The following PRKCQ variants were observed in gnomAD, a reference collection of about 807,000 sequenced individuals.
PRKCQ encodes protein kinase C theta type.
Under a neutral mutation model 91.2 loss-of-function variants are expected in PRKCQ, and 41 were observed. That is an observed-to-expected ratio of 0.45 (90% CI 0.35 to 0.58). The LOEUF is 0.58. Ranked by LOEUF, PRKCQ falls within the 20% of genes least tolerant of loss-of-function variation. PRKCQ has a pLI of 0.00. For missense variants in PRKCQ, 673 were observed against 896.5 expected, an observed-to-expected ratio of 0.75 and a Z score of 3.18; for synonymous variants, 307 against 316.9, an observed-to-expected ratio of 0.97 and a Z score of 0.33.
At chr10:6,470,478 A>C (rs1442918570) in intron 12 of PRKCQ, among the ~76,000 whole-genome samples, 1 of 152,218 alleles carries the variant, frequency 6.6e-6, no homozygotes, top group Admixed American at 6.5e-5. Context: ...TCTAATAAGG[A>C]AACTCCACTC....
At chr10:6,560,029 CT>C (rs1419456774) in intron 1 of PRKCQ, among the ~76,000 whole-genome samples, 2 of 152,180 alleles carry the variant, frequency 1.3e-5, no homozygotes, top group East Asian at 3.8e-4. Flanking sequence ...GGGTCAGTAC[CT>C]TTCTCCTTCT....
the PRKCQ span, among the ~76,000 whole-genome samples, chr10:6,418,934 T>C: frequency 3.9e-5 from 6 of 152,258 alleles, no homozygotes; most frequent in African/African-American, 1.4e-4. Flanking sequence ...ATTTATCTCA[T>C]CTCTATATCT....
rs892858043 is a variant in PRKCQ, at chr10:6,430,578, T to A, written c.1965+232A>T. On this transcript the variant is annotated intron_variant, in intron 17 of 17. Transcript: ENST00000263125. This position sits in a 1 kb window ranked among gnomAD's most constrained non-coding sequence, Gnocchi z 4.7. The stretch of plus-strand genomic sequence containing the variant: ...TGGACACACAGCAATCCATTCTTCA[T>A]GCAGGCGCATCTTGACGACAGAGAT... 1.3e-5 allele frequency among the ~76,000 whole-genome samples: 2 copies of A among 152,294 alleles called. No homozygotes were observed. Among genetic ancestry groups the A allele is most frequent in the East Asian group, 3.9e-4 (2 of 5,172 alleles).
chr10:6,440,309 C>T (rs1166658362), intron 16 of PRKCQ, among the ~76,000 whole-genome samples: 1 of 152,176 alleles, frequency 6.6e-6, no homozygotes, highest in Non-Finnish European at 1.5e-5. Context: ...GAGAGTCTTG[C>T]AGAATCAGCG....
In PRKCQ at chr10:6,456,713, C is replaced by T. The variant is rs751782966; in HGVS notation, c.1608G>A (p.Thr536=). 1.1e-5 allele frequency: 18 copies of T among 1,614,136 alleles called. No individual in the cohort carries two copies. Among genetic ancestry groups the T allele is most frequent in the Non-Finnish European group, 1.4e-5 (17 of 1,180,018 alleles). ...AGTCAGGTGTCCCACAGAAGGTATT[C>T]GTCTTGGCATCTCCTAACATGTTCT... is the stretch of plus-strand genomic sequence containing the variant. ...CKENMLGDAK[T]NTFCGTPDYI... The change falls in exon 15 of 18, where the codon ACG becomes ACA. Residue 536 remains threonine, a synonymous_variant. Transcript: ENST00000263125.
At chr10:6,519,019 ATGTG>A (rs1417284036) in intron 1 of PRKCQ, among the ~76,000 whole-genome samples, 2 of 152,232 alleles carry the variant, frequency 1.3e-5, no homozygotes, top group African/African-American at 2.4e-5. Flanking sequence ...GTAAGTATAT[ATGTG>A]TGTGTTTATG....
At chr10:6,541,874 T>C (rs1302654981) in intron 1 of PRKCQ, among the ~76,000 whole-genome samples, 1 of 152,216 alleles carries the variant, frequency 6.6e-6, no homozygotes, top group African/African-American at 2.4e-5. Flanking sequence ...CTTTACTCTT[T>C]CTCTAATAAA....
rs1048450323 is a variant in PRKCQ, at chr10:6,497,875, C to T, written c.542+521G>A. ...CCTTAATAGGCTAGGATGCTGAGAGCCAGAAACAGGAGTTATTTCAAGTCT... is the reference window on the plus strand; with the variant it reads ...CCTTAATAGGCTAGGATGCTGAGAGTCAGAAACAGGAGTTATTTCAAGTCT... On this transcript the variant is annotated intron_variant, in intron 5 of 17. Coordinates refer to ENST00000263125, the MANE Select transcript of PRKCQ (RefSeq NM_006257.5). This position sits in a 1 kb window ranked among gnomAD's most constrained non-coding sequence, Gnocchi z 4.5. 4.6e-5 allele frequency among the ~76,000 whole-genome samples: 7 copies of T among 152,152 alleles called. No homozygotes were observed. The highest frequency in any genetic ancestry group is 1.7e-4 in the African/African-American group (7 of 41,430).
chr10:6,520,276 C>G (rs980801510), intron 1 of PRKCQ, among the ~76,000 whole-genome samples: 2 of 152,184 alleles, frequency 1.3e-5, no homozygotes, highest in African/African-American at 4.8e-5. Context: ...TGCCGCGACG[C>G]CCGGCCCTCA....
At chr10:6,523,426 G>A (rs1020785709) in intron 1 of PRKCQ, among the ~76,000 whole-genome samples, 1 of 152,072 alleles carries the variant, frequency 6.6e-6, no homozygotes, top group Non-Finnish European at 1.5e-5. Flanking sequence ...ACTCCAGCCT[G>A]GGCGACAAAG....
intron 4 of PRKCQ, among the ~76,000 whole-genome samples, chr10:6,505,403 C>CCTTT (rs34955806): frequency 6.1e-5 from 9 of 147,276 alleles, no homozygotes; most frequent in African/African-American, 2.1e-4. Context: ...CACTTTTTCT[C>CCTTT]CTTTCTTTCT....
intron 8 of PRKCQ, among the ~76,000 whole-genome samples, chr10:6,488,719 T>C (rs1301619149): frequency 6.6e-6 from 1 of 152,186 alleles, no homozygotes; most frequent in South Asian, 2.1e-4. Flanking sequence ...TATATAGGCA[T>C]AGATATAGCC....
intron 1 of PRKCQ, among the ~76,000 whole-genome samples, chr10:6,565,251 GGTCTA>G (rs1172222010): frequency 5.3e-5 from 8 of 152,154 alleles, no homozygotes; most frequent in African/African-American, 1.9e-4. Context: ...TAGACCCATA[GGTCTA>G]GTCTATTTTT....
chr10:6,509,439 A>C (rs910118576), intron 3 of PRKCQ, among the ~76,000 whole-genome samples: 1 of 152,332 alleles, frequency 6.6e-6, no homozygotes, highest in Middle Eastern at 3.4e-3. Context: ...GGTCTTCCTC[A>C]GTTTCTCCCA....
At chr10:6,504,929 T>A (rs1307448032) in intron 4 of PRKCQ, among the ~76,000 whole-genome samples, 1 of 151,500 alleles carries the variant, frequency 6.6e-6, no homozygotes, top group Non-Finnish European at 1.5e-5. Context: ...TGTCTCACTC[T>A]GTCTCCCAGG....
At chr10:6,429,708 T>G (rs1464275379) in intron 17 of PRKCQ, among the ~76,000 whole-genome samples, 1 of 152,208 alleles carries the variant, frequency 6.6e-6, no homozygotes, top group African/African-American at 2.4e-5. Context: ...AAAATTTACT[T>G]TCTTAATGAC....
intron 1 of PRKCQ, among the ~76,000 whole-genome samples, chr10:6,519,638 A>C (rs1838916852): frequency 6.6e-6 from 1 of 152,188 alleles, no homozygotes; most frequent in Non-Finnish European, 1.5e-5. Flanking sequence ...CAGTTTCAGC[A>C]GCTTACAGGT....
chr10:6,423,021 C>T (rs145432464), downstream of PRKCQ, among the ~76,000 whole-genome samples: 1 of 152,252 alleles, frequency 6.6e-6, no homozygotes, highest in East Asian at 1.9e-4. Flanking sequence ...GGGAGTTTGG[C>T]CCAGCTCTTC....
intron 1 of PRKCQ, among the ~76,000 whole-genome samples, chr10:6,522,655 T>G (rs1839057674): frequency 6.6e-6 from 1 of 152,278 alleles, no homozygotes; most frequent in Non-Finnish European, 1.5e-5. Context: ...ACTTCTTCAT[T>G]TAATAAAATG....
Sources: allele counts gnomAD v4.1 joint callset (sites outside exome capture counted in the v4.1 genomes callset), GRCh38; gene constraint gnomAD v4.1.1; non-coding constraint Gnocchi (gnomAD v3.1); transcripts MANE v1.5; gene names NCBI Gene and HGNC (gene_info 2026-07-23, HGNC 2026-07-21).